ADAD1: variants seen among roughly 807,000 people sequenced by gnomAD.
The protein encoded by ADAD1 is adenosine deaminase domain-containing protein 1.
Under a neutral mutation model 66.8 loss-of-function variants are expected in ADAD1, and 46 were observed. That is an observed-to-expected ratio of 0.69 (90% CI 0.54 to 0.88). ADAD1 has a LOEUF of 0.88. ADAD1 is among the 40% of genes least tolerant of loss of function. The pLI is 0.00. For synonymous variants in ADAD1, 248 were observed against 229.4 expected, an observed-to-expected ratio of 1.08 and a Z score of -0.73; for missense variants, 617 against 681.8, an observed-to-expected ratio of 0.91 and a Z score of 1.06.
intron 7 of ADAD1, among the ~76,000 whole-genome samples, chr4:122,403,855 C>T (rs1158316104): frequency 6.6e-6 from 1 of 151,998 alleles, no homozygotes; most frequent in Non-Finnish European, 1.5e-5. Flanking sequence ...GCTGTGGCCA[C>T]GGTGGGGAAT....
chr4:122,397,107 A>G (rs1445289263), intron 7 of ADAD1, among the ~76,000 whole-genome samples: 4 of 152,302 alleles, frequency 2.6e-5, no homozygotes, highest in South Asian at 2.1e-4. Context: ...GCAGAGAGAA[A>G]GGAATGAGGG....
intron 7 of ADAD1, among the ~76,000 whole-genome samples, chr4:122,400,741 T>C (rs1020819179): frequency 2.2e-4 from 33 of 152,174 alleles, no homozygotes; most frequent in Admixed American, 5.9e-4. Flanking sequence ...GGGTTGTCTG[T>C]TTCCAGGAAT....
At chr4:122,421,510 C>T in intron 12 of ADAD1, 120 bp downstream of exon 12, 1 of 953,912 alleles carries the variant, frequency 1.0e-6, no homozygotes, top group Non-Finnish European at 1.4e-6. Context: ...TAAGATATTA[C>T]CAGGTAATGG....
chr4:122,413,949 G>A (rs944125229), intron 10 of ADAD1, among the ~76,000 whole-genome samples: 85 of 146,722 alleles, frequency 5.8e-4, no homozygotes, highest in African/African-American at 1.4e-3. Flanking sequence ...TTGGAGTTTC[G>A]TGTTATTTCA....
intron 11 of ADAD1, among the ~76,000 whole-genome samples, chr4:122,416,018 T>C (rs1275595769): frequency 2.0e-5 from 3 of 152,202 alleles, no homozygotes; most frequent in South Asian, 2.1e-4. Flanking sequence ...TCAGGAATTA[T>C]ATTTTTTTAT....
chr4:122,420,714 T>A (rs1338426591), intron 11 of ADAD1, among the ~76,000 whole-genome samples: 1 of 152,198 alleles, frequency 6.6e-6, no homozygotes, highest in African/African-American at 2.4e-5. Flanking sequence ...ATGTTCATGA[T>A]CTAGGGACCC....
intron 8 of ADAD1, among the ~76,000 whole-genome samples, chr4:122,409,418 T>C (rs1796369394): frequency 6.6e-6 from 1 of 152,162 alleles, no homozygotes; most frequent in Non-Finnish European, 1.5e-5. Context: ...GTACATAGTG[T>C]ATATGTTTAT....
chr4:122,387,618 G>C (rs890676028), intron 5 of ADAD1, among the ~76,000 whole-genome samples: 36 of 152,042 alleles, frequency 2.4e-4, no homozygotes, highest in African/African-American at 8.7e-4. Context: ...GAATAATAGT[G>C]TGCCAGTTTT....
intron 5 of ADAD1, among the ~76,000 whole-genome samples, chr4:122,385,880 T>G (rs1247459144): frequency 6.6e-6 from 1 of 152,202 alleles, no homozygotes; most frequent in African/African-American, 2.4e-5. Flanking sequence ...TCTCATTCCT[T>G]TTTATGGCCG....
At chr4:122,383,990 A>AC in intron 5 of ADAD1, 24 bp downstream of exon 5, 1 of 1,557,618 alleles carries the variant, frequency 6.4e-7, no homozygotes, top group Non-Finnish European at 8.7e-7. Flanking sequence ...ATTATAAAGT[A>AC]TTTATAAGAG....
Position 122,383,949 on chromosome 4 carries a change from G to T in ADAD1, c.512G>T (p.Arg171Leu). 6.2e-7 allele frequency: 1 copy of T among 1,606,832 alleles called. No individual in the cohort carries two copies. Among genetic ancestry groups the T allele is most frequent in the South Asian group, 1.1e-5 (1 of 89,178 alleles). The change falls in exon 5 of 13, where the codon CGA becomes CTA. Residue 171 changes from arginine (R) to leucine (L), a missense_variant. Arg to Leu is a moderately radical substitution (Grantham distance 102, BLOSUM62 -2). Transcript: ENST00000296513. Reference sequence around the variant, plus strand: ...CTACAACTGGATGAACCTGAACCACGAATTTTAGAAACATCAGGTAAATAC... The same window carrying T: ...CTACAACTGGATGAACCTGAACCACTAATTTTAGAAACATCAGGTAAATAC... ...ELLQLDEPEPRILETSGPPPF... is the reference protein window; with the variant it reads ...ELLQLDEPEPLILETSGPPPF...
intron 6 of ADAD1, among the ~76,000 whole-genome samples, chr4:122,394,194 G>C (rs1316781220): frequency 6.6e-6 from 1 of 152,052 alleles, no homozygotes; most frequent in African/African-American, 2.4e-5. Context: ...ATTCATAAAT[G>C]TAAAATTCTT....
intron 7 of ADAD1, among the ~76,000 whole-genome samples, chr4:122,398,079 G>C (rs1485571974): frequency 6.6e-6 from 1 of 152,048 alleles, no homozygotes; most frequent in Non-Finnish European, 1.5e-5. Flanking sequence ...CTGAGATTTT[G>C]GTGCACCCAT....
chr4:122,398,264 A>G (rs1030582254), intron 7 of ADAD1, among the ~76,000 whole-genome samples: 1 of 151,500 alleles, frequency 6.6e-6, no homozygotes, highest in African/African-American at 2.4e-5. Flanking sequence ...ATTCCTCGTT[A>G]CTTCCCTTAG....
intron 5 of ADAD1, among the ~76,000 whole-genome samples, chr4:122,388,956 T>G (rs1795313284): frequency 6.6e-6 from 1 of 152,224 alleles, no homozygotes; most frequent in South Asian, 2.1e-4. Context: ...TTAATTGATG[T>G]TCGGGTATCA....
At position 122,412,810 on chromosome 4, in the gene ADAD1, G is replaced by A; in HGVS notation, c.1249+1G>A. ...GTTTACATCAGCAGTATACTTATTGGTGAGTGGGATTTCAGAACCTCCTGG... is the reference window on the plus strand; with the variant it reads ...GTTTACATCAGCAGTATACTTATTGATGAGTGGGATTTCAGAACCTCCTGG... On this transcript the variant is annotated splice_donor_variant, in intron 10 of 12. Coordinates refer to ENST00000296513, the MANE Select transcript of ADAD1 (RefSeq NM_139243.4). LOFTEE classifies it high-confidence loss of function. 6 of 1,611,284 alleles carry A rather than the reference G, an allele frequency of 3.7e-6. No homozygotes were observed. The highest frequency in any genetic ancestry group is 5.1e-6 in the Non-Finnish European group (6 of 1,177,784).
intron 10 of ADAD1, 25 bp downstream of exon 10, chr4:122,412,834 G>A: frequency 6.3e-7 from 1 of 1,588,192 alleles, no homozygotes; most frequent in Non-Finnish European, 8.6e-7. Flanking sequence ...AGAACCTCCT[G>A]GGCCTCTCAC....
chr4:122,398,354 C>A (rs960358001), intron 7 of ADAD1, among the ~76,000 whole-genome samples: 4 of 150,940 alleles, frequency 2.7e-5, no homozygotes, highest in Admixed American at 2.6e-4. Context: ...GTGTCTGCGC[C>A]ACAATTTCTT....
In ADAD1 at chr4:122,379,898, C is replaced by T. The variant is rs527308246; in HGVS notation, c.-8-164C>T. On this transcript the variant is annotated intron_variant, in intron 2 of 12. Transcript: ENST00000296513. ...GAAGAGGTCCGTGTCTATGAAAACT[C>T]AAAAAGCAGTCGTGAGATCAGTTCA... Among the ~76,000 whole-genome samples, 5 of 151,894 alleles carry T rather than the reference C, an allele frequency of 3.3e-5. No individual in the cohort carries two copies. In the East Asian group the frequency reaches 9.7e-4, roughly 29 times the overall value.
Sources: gnomAD v4.1 joint callset for allele counts (sites outside exome capture counted in the v4.1 genomes callset) on GRCh38, gnomAD v4.1.1 for gene constraint, MANE v1.5 for transcripts, NCBI Gene and HGNC (gene_info 2026-07-23, HGNC 2026-07-21) for gene names.